GRB10: variants seen among roughly 807,000 people sequenced by gnomAD.
The protein encoded by GRB10 is growth factor receptor-bound protein 10.
In GRB10, 20 loss-of-function variants were observed where a neutral mutation model predicts 80.9. That is an observed-to-expected ratio of 0.25 (90% CI 0.17 to 0.36). GRB10 has a LOEUF of 0.36. Ranked by LOEUF, GRB10 falls within the 10% of genes least tolerant of loss-of-function variation. GRB10 has a pLI of 1.00. For missense variants in GRB10, 548 were observed against 747.7 expected, an observed-to-expected ratio of 0.73 and a Z score of 3.12; for synonymous variants, 291 against 291.5, an observed-to-expected ratio of 1.00 and a Z score of 0.02.
At chr7:50,648,691 T>G in intron 7 of GRB10, among the ~76,000 whole-genome samples, 1 of 152,126 alleles carries the variant, frequency 6.6e-6, no homozygotes, top group East Asian at 1.9e-4. Flanking sequence ...TTCCAGAGTT[T>G]CCCTTCTTCA....
chr7:50,787,522 T>C (rs532939687), upstream of GRB10, among the ~76,000 whole-genome samples: 16 of 152,254 alleles, frequency 1.1e-4, no homozygotes, highest in East Asian at 1.7e-3. Flanking sequence ...AGAAACACTG[T>C]GTGATATGGA....
intron 7 of GRB10, among the ~76,000 whole-genome samples, chr7:50,659,913 C>G (rs886650196): frequency 7.2e-5 from 11 of 152,248 alleles, no homozygotes; most frequent in Non-Finnish European, 1.6e-4. Context: ...AAATGCATTT[C>G]TGTCGTCTGG....
At chr7:50,667,453 A>C (rs1454517313) in intron 7 of GRB10, among the ~76,000 whole-genome samples, 1 of 152,052 alleles carries the variant, frequency 6.6e-6, no homozygotes, top group African/African-American at 2.4e-5. Flanking sequence ...AGAACATCAG[A>C]TTTCTCTTTT....
At chr7:50,662,783 T>C (rs2059411324) in intron 7 of GRB10, among the ~76,000 whole-genome samples, 1 of 152,160 alleles carries the variant, frequency 6.6e-6, no homozygotes, top group Non-Finnish European at 1.5e-5. Context: ...AAATTAAGAT[T>C]CTACCTGATA....
At chr7:50,766,519 C>T (rs141557051) in intron 2 of GRB10, among the ~76,000 whole-genome samples, 311 of 152,012 alleles carry the variant, frequency 2.0e-3, no homozygotes, top group African/African-American at 7.3e-3. Context: ...AAAAAGGATA[C>T]ACCTCAAAAG....
chr7:50,720,552 C>T (rs970069137), intron 4 of GRB10, among the ~76,000 whole-genome samples: 1 of 152,172 alleles, frequency 6.6e-6, no homozygotes, highest in Non-Finnish European at 1.5e-5. Context: ...GAGCCCAGCA[C>T]ATATGGCAAC....
chr7:50,780,947 G>C (rs1026182161), intron 1 of GRB10: 2 of 152,136 alleles, frequency 1.3e-5, no homozygotes, highest in Non-Finnish European at 2.9e-5. Flanking sequence ...GCCTAGTTCT[G>C]GGGTGGTAAT....
Position 50,592,793 on chromosome 7 carries a change from C to A in GRB10, c.*159G>T, listed in dbSNP as rs999663622. 5 of 861,050 alleles carry A rather than the reference C, an allele frequency of 5.8e-6. No homozygotes were observed. In the African/African-American group the frequency reaches 6.6e-5, roughly 11 times the overall value. 53.3% of individuals were successfully genotyped at this position (861,050 alleles called of 1,614,324 possible). ...CACAGCAGCAAATCGTCGTTTAAGT[C>A]CAACAAACTAGTCAATCTTGGTCGG... is the stretch of plus-strand genomic sequence containing the variant. On this transcript the variant is annotated 3_prime_UTR_variant, in exon 19 of 19. Transcript: ENST00000401949.
intron 18 of GRB10, 73 bp downstream of exon 18, chr7:50,595,363 TA>T (rs1374615939): frequency 2.4e-6 from 2 of 849,910 alleles, no homozygotes; most frequent in Non-Finnish European, 4.1e-6. Flanking sequence ...TGTCGGTTTA[TA>T]ACTTGAAAAT....
intron 5 of GRB10, among the ~76,000 whole-genome samples, chr7:50,692,310 A>G (rs932241114): frequency 6.6e-6 from 1 of 151,214 alleles, no homozygotes; most frequent in Non-Finnish European, 1.5e-5. Context: ...ACACACACGC[A>G]CACATATATA....
intron 5 of GRB10, among the ~76,000 whole-genome samples, chr7:50,681,812 G>A (rs984328188): frequency 3.9e-5 from 6 of 152,202 alleles, no homozygotes; most frequent in Non-Finnish European, 8.8e-5. Context: ...CCTTCCATGT[G>A]AGGTGTAACT....
chr7:50,600,000 C>T (rs1438210233), intron 17 of GRB10, among the ~76,000 whole-genome samples: 7 of 152,144 alleles, frequency 4.6e-5, no homozygotes, highest in Admixed American at 2.0e-4. Flanking sequence ...ACTGCCCTGG[C>T]CTTGGGGAGG....
intron 6 of GRB10, among the ~76,000 whole-genome samples, chr7:50,673,306 G>A (rs1385585923): frequency 6.6e-6 from 1 of 152,152 alleles, no homozygotes; most frequent in Non-Finnish European, 1.5e-5. Context: ...GGAGCCCCAC[G>A]CCATCCCGAC....
At chr7:50,699,133 A>G (rs979608196) in intron 5 of GRB10, among the ~76,000 whole-genome samples, 1 of 152,232 alleles carries the variant, frequency 6.6e-6, no homozygotes, top group South Asian at 2.1e-4. Context: ...ATCTCACATT[A>G]TATCTGCTTA....
chr7:50,624,341 C>T (rs2529395), intron 8 of GRB10, among the ~76,000 whole-genome samples: 103,073 of 152,182 alleles, frequency 0.68, 36,514 homozygotes, highest in African/African-American at 0.91. Flanking sequence ...GTTGGCCTTG[C>T]GGCCCTTGCG....
intron 7 of GRB10, among the ~76,000 whole-genome samples, chr7:50,644,334 T>G (rs1312275354): frequency 1.3e-5 from 2 of 152,140 alleles, no homozygotes; most frequent in African/African-American, 4.8e-5. Context: ...CCCTAGTCCA[T>G]GCCCGAGCTC....
chr7:50,713,016 T>C (rs2066131944), intron 4 of GRB10, among the ~76,000 whole-genome samples: 1 of 152,238 alleles, frequency 6.6e-6, no homozygotes, highest in Non-Finnish European at 1.5e-5. Flanking sequence ...TAAAATGCCT[T>C]TGCCAAGTCA....
intron 4 of GRB10, among the ~76,000 whole-genome samples, chr7:50,724,659 A>T (rs955678741): frequency 5.9e-5 from 9 of 152,156 alleles, no homozygotes; most frequent in African/African-American, 2.2e-4. Flanking sequence ...GCAAGACAGG[A>T]GAAAGGAAAC....
intron 5 of GRB10, among the ~76,000 whole-genome samples, chr7:50,699,291 C>A (rs2063838732): frequency 6.6e-6 from 1 of 152,134 alleles, no homozygotes; most frequent in Admixed American, 6.5e-5. Context: ...ACACTAAGAC[C>A]TCCAGTGACA....
Sources: gnomAD v4.1 joint callset for allele counts (sites outside exome capture counted in the v4.1 genomes callset) on GRCh38, gnomAD v4.1.1 for gene constraint, MANE v1.5 for transcripts, NCBI Gene and HGNC (gene_info 2026-07-23, HGNC 2026-07-21) for gene names.